Variants in KIAA1549L observed in about 807,000 individuals in gnomAD.
KIAA1549L encodes the protein KIAA1549 like.
Under a neutral mutation model 160.7 loss-of-function variants are expected in KIAA1549L, and 88 were observed. The observed-to-expected ratio is 0.55, with a 90% CI of 0.46 to 0.65. The LOEUF (loss-of-function observed/expected upper bound fraction) is 0.65, where lower values mean the gene tolerates loss of function less well. Among genes scored for constraint, KIAA1549L ranks in the 30% least tolerant of loss-of-function variants. The pLI is 0.00. For missense variants in KIAA1549L, 2,258 were observed against 2,437.5 expected (o/e 0.93, Z 1.55); for synonymous variants, 950 against 976.7 (o/e 0.97, Z 0.51).
intron 16 of KIAA1549L, among the ~76,000 whole-genome samples, chr11:33,624,497 A>G (rs1851042419): frequency 6.6e-6 from 1 of 152,204 alleles, no homozygotes; most frequent in African/African-American, 2.4e-5. Flanking sequence ...GCAAACATTA[A>G]TTGAGTGCAT....
chr11:33,614,553 TA>T lies in KIAA1549L; in HGVS notation c.5280-3979del, dbSNP rs1850739979. Among the ~76,000 whole-genome samples, 13 of 13,218 alleles carry T rather than the reference TA, an allele frequency of 9.8e-4. 2 individuals carry two copies. Among genetic ancestry groups the T allele is most frequent in the African/African-American group, 4.5e-3 (9 of 1,998 alleles). 8.7% of individuals were successfully genotyped at this position (13,218 alleles called of 152,430 possible). On this transcript the variant is annotated intron_variant, in intron 15 of 20. Coordinates refer to ENST00000658780, the MANE Select transcript of KIAA1549L (RefSeq NM_012194.3). Reference sequence around the variant, plus strand: ...CAAGATATATATATATATATATATATATATATATATATATATATATATATAT... The same window carrying T: ...CAAGATATATATATATATATATATATTATATATATATATATATATATATAT...
At chr11:33,652,428 C>G (rs1851923513) in intron 17 of KIAA1549L, among the ~76,000 whole-genome samples, 1 of 152,180 alleles carries the variant, frequency 6.6e-6, no homozygotes, top group South Asian at 2.1e-4. Flanking sequence ...TCTGCCTGAT[C>G]TCCTGTGCCA....
chr11:33,653,548 A>G (rs1015701654), intron 17 of KIAA1549L, among the ~76,000 whole-genome samples: 1 of 152,078 alleles, frequency 6.6e-6, no homozygotes, highest in African/African-American at 2.4e-5. Flanking sequence ...TGCCTTTGGT[A>G]TTGTTTCACT....
chr11:33,390,368 T>C (rs1850250313), intron 1 of KIAA1549L, among the ~76,000 whole-genome samples: 1 of 152,248 alleles, frequency 6.6e-6, no homozygotes, highest in African/African-American at 2.4e-5. Flanking sequence ...ACTGGCTTTT[T>C]CTGCTTCCCC....
In KIAA1549L at chr11:33,376,954, C is replaced by T. The variant is rs1271756054; in HGVS notation, c.238+65C>T. 2.0e-5 allele frequency: 3 copies of T among 152,262 alleles called. No homozygotes were observed. The highest frequency in any genetic ancestry group is 7.2e-5 in the African/African-American group (3 of 41,470). 9.4% of individuals were successfully genotyped at this position (152,262 alleles called of 1,614,324 possible). ...AGGAGCGGGGCGGCGGGACGGGACC[C>T]ACACCTGCCCAGGTGGCGGTGGAGA... On this transcript the variant is annotated intron_variant, in intron 1 of 20. Coordinates refer to ENST00000658780, the MANE Select transcript of KIAA1549L (RefSeq NM_012194.3). The surrounding 1 kb of genome is among the most constrained non-coding windows in gnomAD (Gnocchi z 5.8).
chr11:33,635,874 G>T (rs1851423743), intron 16 of KIAA1549L, among the ~76,000 whole-genome samples: 2 of 152,308 alleles, frequency 1.3e-5, no homozygotes, highest in South Asian at 4.1e-4. Context: ...CCCTCATGGG[G>T]CTTATCCAGT....
At chr11:33,489,213 A>G (rs940763989) in intron 1 of KIAA1549L, among the ~76,000 whole-genome samples, 2 of 152,208 alleles carry the variant, frequency 1.3e-5, no homozygotes, top group African/African-American at 4.8e-5. Flanking sequence ...AAAGTCCAAG[A>G]TCAGGGTGCC....
rs1048231950 is a variant in KIAA1549L, at chr11:33,543,798, T to C, written c.2235T>C (p.Asn745=). Residue 745 remains asparagine (N), a synonymous_variant, in exon 2 of 21, where the codon AAT becomes AAC. Coordinates refer to ENST00000658780, the MANE Select transcript of KIAA1549L (RefSeq NM_012194.3). The stretch of plus-strand genomic sequence containing the variant: ...ATTTAGCTCCAACAGCTCCTCCCAA[T>C]GGTTTAACTTCAGCTGCCGATGCCA... ...ETHLAPTAPP[N]GLTSAADAIK... 5 of 1,613,906 alleles carry C rather than the reference T, an allele frequency of 3.1e-6. No individual in the cohort carries two copies. The highest frequency in any genetic ancestry group is 4.2e-6 in the Non-Finnish European group (5 of 1,179,902).
At chr11:33,510,764 G>A (rs1022836107) in intron 1 of KIAA1549L, among the ~76,000 whole-genome samples, 6 of 152,256 alleles carry the variant, frequency 3.9e-5, no homozygotes, top group African/African-American at 9.6e-5. Context: ...TGAGGCAAGT[G>A]CAGAGGCCGC....
chr11:33,661,128 C>A, intron 20 of KIAA1549L, 114 bp downstream of exon 20: 1 of 1,047,130 alleles, frequency 9.5e-7, no homozygotes, highest in Non-Finnish European at 1.4e-6. Flanking sequence ...CCTCACAGTA[C>A]CCGGATGACT....
In KIAA1549L at chr11:33,543,412, A is replaced by G; in HGVS notation, c.1849A>G (p.Thr617Ala). The change falls in exon 2 of 21, where the codon ACG (threonine) becomes GCG (alanine). Residue 617 changes from threonine (T) to alanine (A), a missense_variant. Around this residue, in one of 6 missense-constraint regions of KIAA1549L, gnomAD observed 20 missense variants for 23.2 expected, o/e 0.86. Coordinates refer to ENST00000658780, the MANE Select transcript of KIAA1549L (RefSeq NM_012194.3). ...VSSPIITAPRTNPLPSGPPLP... is the reference protein window; with the variant it reads ...VSSPIITAPRANPLPSGPPLP... ...ATCTCCCATCATTACAGCACCAAGG[A>G]CGAATCCCCTTCCTTCAGGACCACC... 1 of 1,613,920 alleles carries G rather than the reference A, an allele frequency of 6.2e-7. No homozygotes were observed. Among genetic ancestry groups the G allele is most frequent in the Non-Finnish European group, 8.5e-7 (1 of 1,179,862 alleles).
chr11:33,426,588 C>T (rs944627950), intron 1 of KIAA1549L, among the ~76,000 whole-genome samples: 2 of 152,108 alleles, frequency 1.3e-5, no homozygotes, highest in Non-Finnish European at 2.9e-5. Flanking sequence ...AGCTGTGGGG[C>T]TATAATGATG....
Position 33,672,639 on chromosome 11 carries a change from A to C in KIAA1549L, c.*4485A>C, listed in dbSNP as rs1852701311. The C allele has an allele frequency of 1.3e-5, 2 of 154,020 alleles. No homozygotes were observed. The highest frequency in any genetic ancestry group is 6.5e-5 in the Admixed American group (1 of 15,290). The allele number at this position is 154,020 out of a possible 1,614,324, so 9.5% of individuals were successfully genotyped here. ...CAGCACTCGGAGAGCAGTCCCCTGG[A>C]TACTACCACACAGAGAAAAGGGGCA... On this transcript the variant is annotated 3_prime_UTR_variant, in exon 21 of 21. Transcript: ENST00000658780.
At chr11:33,383,162 G>C (rs1666858090) in intron 1 of KIAA1549L, among the ~76,000 whole-genome samples, 1 of 151,874 alleles carries the variant, frequency 6.6e-6, no homozygotes, top group Non-Finnish European at 1.5e-5. Context: ...AGCTTACTTA[G>C]CTCAAGTCTC....
At chr11:33,550,246 A>G (rs1470110713) in intron 4 of KIAA1549L, among the ~76,000 whole-genome samples, 1 of 152,056 alleles carries the variant, frequency 6.6e-6, no homozygotes, top group Admixed American at 6.5e-5. Flanking sequence ...GGAGCTGCAT[A>G]CATATACGTA....
At chr11:33,491,606 T>A (rs1200467414) in intron 1 of KIAA1549L, among the ~76,000 whole-genome samples, 2 of 152,080 alleles carry the variant, frequency 1.3e-5, no homozygotes, top group Non-Finnish European at 2.9e-5. Context: ...CTAAAAAAAA[T>A]AAAACTAAAA....
chr11:33,435,810 A>ATGTGTGTGTGTGTGTGTGTGTGTG (rs371276872), intron 1 of KIAA1549L, among the ~76,000 whole-genome samples: 1 of 27,202 alleles, frequency 3.7e-5, no homozygotes, highest in Non-Finnish European at 6.5e-5. Flanking sequence ...ATATATATAT[A>ATGTGTGTGTGTGTGTGTGTGTGTG]TGTGTGTGTA....
chr11:33,627,876 T>G (rs1851163890), intron 16 of KIAA1549L, among the ~76,000 whole-genome samples: 1 of 151,178 alleles, frequency 6.6e-6, no homozygotes, highest in Non-Finnish European at 1.5e-5. Flanking sequence ...AATTGTGATG[T>G]TAGGGTGTCA....
intron 1 of KIAA1549L, among the ~76,000 whole-genome samples, chr11:33,541,186 C>T (rs755051591): frequency 1.3e-5 from 2 of 152,044 alleles, no homozygotes; most frequent in Non-Finnish European, 2.9e-5. Flanking sequence ...GACACCAGGC[C>T]CTGTGAGAAG....
Sources: gnomAD v4.1 joint callset for allele counts (sites outside exome capture counted in the v4.1 genomes callset) on GRCh38, gnomAD v4.1.1 for gene constraint, gnomAD v4.1.1 regional missense constraint, Gnocchi (gnomAD v3.1) non-coding constraint, MANE v1.5 for transcripts, NCBI Gene and HGNC (gene_info 2026-07-23, HGNC 2026-07-21) for gene names.